CUL7: variants seen among roughly 807,000 people sequenced by gnomAD.
CUL7 encodes cullin-7.
CUL7 carries 96 observed loss-of-function variants against 177.7 expected under a neutral mutation model. That is an observed-to-expected ratio of 0.54 (90% CI 0.46 to 0.64). CUL7 has a LOEUF of 0.64. Among genes scored for constraint, CUL7 ranks in the 30% least tolerant of loss-of-function variants. The probability of loss-of-function intolerance (pLI) is 0.00; values close to 1 mark genes in which losing one functional copy is unlikely to be tolerated. For missense variants in CUL7, 1,893 were observed against 2,187.9 expected (o/e 0.87, Z 2.69); for synonymous variants, 824 against 890.2 (o/e 0.93, Z 1.32).
chr6:43,046,852 A>G (rs766621185), intron 10 of CUL7, 28 bp downstream of exon 10: 2 of 1,419,502 alleles, frequency 1.4e-6, no homozygotes, highest in South Asian at 2.3e-5. Context: ...ATGCCACTCT[A>G]AGCCCACAAG....
intron 19 of CUL7, among the ~76,000 whole-genome samples, chr6:43,042,341 T>TTTG (rs1770938346): frequency 6.6e-6 from 1 of 152,172 alleles, no homozygotes; most frequent in African/African-American, 2.4e-5. Flanking sequence ...TTTTTTGTTT[T>TTTG]TTTCTTTTTT....
chr6:43,041,252 C>A, intron 19 of CUL7, 177 bp from the exon 20 acceptor site: 1 of 640,024 alleles, frequency 1.6e-6, no homozygotes, highest in Non-Finnish European at 2.8e-6. Flanking sequence ...GCAATATTAA[C>A]AATTATGGAA....
At position 43,052,756 on chromosome 6, in the gene CUL7, C is replaced by G. The variant is rs1239734867; in HGVS notation, c.33G>C (p.Arg11Ser). MVGELRYREF[R>S]VPLGPGLHAY... is the part of the protein sequence containing the mutation. ...CATGTAAGCCGGGCCCCAGGGGCAC[C>G]CTGAATTCCCTGTAGCGGAGTTCTC... The change falls in exon 2 of 26, where the codon AGG becomes AGC. Residue 11 changes from arginine (R) to serine (S), a missense_variant. By Grantham distance (110) the Arg-to-Ser change is moderately radical. Coordinates refer to ENST00000265348, the MANE Select transcript of CUL7 (RefSeq NM_014780.5). This position sits in a 1 kb window ranked among gnomAD's most constrained non-coding sequence, Gnocchi z 4.5. 10 of 1,608,702 alleles carry G rather than the reference C, an allele frequency of 6.2e-6. 1 individual carries two copies. The South Asian group carries it at 1.1e-4, about 18-fold the overall frequency.
intron 19 of CUL7, 131 bp from the exon 20 acceptor site, chr6:43,041,206 A>G: frequency 2.5e-6 from 2 of 788,262 alleles, no homozygotes; most frequent in Admixed American, 2.0e-5. Context: ...CTTTCATACA[A>G]CTATTTTATA....
At chr6:43,041,195 G>C in intron 19 of CUL7, 120 bp from the exon 20 acceptor site, 1 of 875,036 alleles carries the variant, frequency 1.1e-6, no homozygotes, top group African/African-American at 1.7e-5. Flanking sequence ...GGTGGTTGGT[G>C]CTTTCATACA....
At position 43,038,914 on chromosome 6, in the gene CUL7, C is replaced by T; in HGVS notation, c.4368G>A (p.Leu1456=). The part of the protein sequence containing the change: ...LQWTWLGWAE[L]QFGNQTLHVS... ...CATGCAGGGTCTGGTTCCCAAACTG[C>T]AGCTCAGCCCAGCCCAGCCACGTCC... Residue 1456 remains leucine (L), a synonymous_variant, in exon 23 of 26, where the codon CTG becomes CTA. Transcript: ENST00000265348. 6.2e-7 allele frequency: 1 copy of T among 1,614,030 alleles called. No individual in the cohort carries two copies. The highest frequency in any genetic ancestry group is 8.5e-7 in the Non-Finnish European group (1 of 1,179,876).
chr6:43,044,749 T>C lies in CUL7; in HGVS notation c.3172+3A>G. The C allele has an allele frequency of 6.2e-7, 1 of 1,608,856 alleles. No individual in the cohort carries two copies. Among genetic ancestry groups the C allele is most frequent in the South Asian group, 1.1e-5 (1 of 90,898 alleles). On this transcript the variant is annotated splice_donor_region_variant and intron_variant, in intron 16 of 25. Transcript: ENST00000265348. ...TAATGGGTCCAGATGTCAGGATGGT[T>C]ACCAGGGGAGGTGATGTTCTGCACC...
At position 43,038,782 on chromosome 6, in the gene CUL7, G is replaced by C. The variant is rs746238848; in HGVS notation, c.4440+60C>G. The C allele has an allele frequency of 5.6e-6, 9 of 1,613,638 alleles. No individual in the cohort carries two copies. In the East Asian group the frequency reaches 2.0e-4, roughly 36 times the overall value. On this transcript the variant is annotated intron_variant, in intron 23 of 25. Coordinates refer to ENST00000265348, the MANE Select transcript of CUL7 (RefSeq NM_014780.5). Reference sequence around the variant, plus strand: ...AAGAAGCAGAGGGAGTCAAGGTTTTGGGAAGAGAGGCAAGGGACAAAGTGG... The same window carrying C: ...AAGAAGCAGAGGGAGTCAAGGTTTTCGGAAGAGAGGCAAGGGACAAAGTGG...
At position 43,051,830 on chromosome 6, in the gene CUL7, T is replaced by A; in HGVS notation, c.581-67A>T. The A allele has an allele frequency of 3.8e-6, 6 of 1,571,238 alleles. No individual in the cohort carries two copies. Among genetic ancestry groups the A allele is most frequent in the Non-Finnish European group, 5.3e-6 (6 of 1,141,884 alleles). On this transcript the variant is annotated intron_variant, in intron 2 of 25. Coordinates refer to ENST00000265348, the MANE Select transcript of CUL7 (RefSeq NM_014780.5). The surrounding 1 kb of genome is among the most constrained non-coding windows in gnomAD (Gnocchi z 5.0). Reference sequence around the variant, plus strand: ...CCCTTCCTAGAAATCTTAGACCCTCTACTCTTTCAATCCAATCCTTTTGCC... The same window carrying A: ...CCCTTCCTAGAAATCTTAGACCCTCAACTCTTTCAATCCAATCCTTTTGCC...
chr6:43,047,036 A>G lies in CUL7; in HGVS notation c.2241T>C (p.Asn747=), dbSNP rs1368064547. Residue 747 remains asparagine, a synonymous_variant, in exon 10 of 26, where the codon AAT becomes AAC. Transcript: ENST00000265348. ...AGATAGCGTCTCTTGCTCCCAGCTG[A>G]TTCAGCACCACGGCATAGTCCCTGC... ...SVSRDYAVVL[N]QLGARDAISK... is the part of the protein sequence containing the mutation. The G allele has an allele frequency of 6.2e-7, 1 of 1,613,544 alleles. No homozygotes were observed. Among genetic ancestry groups the G allele is most frequent in the South Asian group, 1.1e-5 (1 of 91,064 alleles).
intron 7 of CUL7, among the ~76,000 whole-genome samples, chr6:43,048,881 C>A (rs1172206186): frequency 6.6e-6 from 1 of 151,932 alleles, no homozygotes; most frequent in Non-Finnish European, 1.5e-5. Flanking sequence ...CATTCTCCTG[C>A]CTCAGCCTCC....
At position 43,053,677 on chromosome 6, in the gene CUL7, G is replaced by A. The variant is rs968949866; in HGVS notation, c.-64C>T. 5 of 1,409,490 alleles carry A rather than the reference G, an allele frequency of 3.5e-6. No individual in the cohort carries two copies. The African/African-American group carries it at 6.0e-5, about 17-fold the overall frequency. The allele number at this position is 1,409,490 out of a possible 1,614,324, so 87.3% of individuals were successfully genotyped here. A position where few individuals can be genotyped will look rare whatever the true frequency, so the allele number is the denominator to read the frequency against. ...GCCTGTCCTTCACAGAGCAAGGGAC[G>A]CGGCACAGACGCTGGCGGCGACTTG... On this transcript the variant is annotated 5_prime_UTR_variant, in exon 1 of 26. Coordinates refer to ENST00000265348, the MANE Select transcript of CUL7 (RefSeq NM_014780.5). The surrounding 1 kb of genome is among the most constrained non-coding windows in gnomAD (Gnocchi z 4.1).
Position 43,044,740 on chromosome 6 carries a change from C to T in CUL7, c.3172+12G>A, listed in dbSNP as rs1032848893. 1.4e-5 allele frequency: 23 copies of T among 1,606,960 alleles called. No individual in the cohort carries two copies. Among genetic ancestry groups the T allele is most frequent in the Non-Finnish European group, 2.0e-5 (23 of 1,174,362 alleles). On this transcript the variant is annotated intron_variant, in intron 16 of 25. Transcript: ENST00000265348. ...CTGAGATAGTAATGGGTCCAGATGT[C>T]AGGATGGTTACCAGGGGAGGTGATG...
In CUL7 at chr6:43,048,126, C is replaced by G. The variant is rs749141103; in HGVS notation, c.2169+22G>C. ...GCCTTTATCCTCTCCCCCAGCCTCT[C>G]CCCAGAGCAGGGCAGGGGTACCTCT... On this transcript the variant is annotated intron_variant, in intron 9 of 25. Transcript: ENST00000265348. 13 of 1,545,670 alleles carry G rather than the reference C, an allele frequency of 8.4e-6. No individual in the cohort carries two copies. In the East Asian group the frequency reaches 3.0e-4, roughly 35 times the overall value.
rs999597657 is a variant in CUL7 at position 43,050,755 on chromosome 6, G to A, written c.1233+213C>T. Among the ~76,000 whole-genome samples, 1 of 151,924 alleles carries A rather than the reference G, an allele frequency of 6.6e-6. No individual in the cohort carries two copies. Among genetic ancestry groups the A allele is most frequent in the African/African-American group, 2.4e-5 (1 of 41,342 alleles). Reference sequence around the variant, plus strand: ...TCTGGCTATATCAGTTTCTTCCCAGGTGTGAGTCTTCTTGACTTCACAGCC... The same window carrying A: ...TCTGGCTATATCAGTTTCTTCCCAGATGTGAGTCTTCTTGACTTCACAGCC... On this transcript the variant is annotated intron_variant, in intron 4 of 25. Transcript: ENST00000265348. This position sits in a 1 kb window ranked among gnomAD's most constrained non-coding sequence, Gnocchi z 4.1.
At position 43,040,772 on chromosome 6, in the gene CUL7, G is replaced by T. The variant is rs750136834; in HGVS notation, c.3807-26C>A. The stretch of plus-strand genomic sequence containing the variant: ...CTGCAGTGCATGCAGCCCGGGCCAA[G>T]CCTCAGTGTGGGCACCAGTGTGGCC... On this transcript the variant is annotated intron_variant, in intron 20 of 25. Transcript: ENST00000265348. This position sits in a 1 kb window ranked among gnomAD's most constrained non-coding sequence, Gnocchi z 4.2. 1.2e-6 allele frequency: 2 copies of T among 1,611,988 alleles called. No individual in the cohort carries two copies. The highest frequency in any genetic ancestry group is 2.2e-5 in the South Asian group (2 of 91,032).
In CUL7 at chr6:43,046,337, G is replaced by A; in HGVS notation, c.2559C>T (p.Ala853=). Residue 853 remains alanine, a synonymous_variant, in exon 12 of 26, where the codon GCC becomes GCT. Coordinates refer to ENST00000265348, the MANE Select transcript of CUL7 (RefSeq NM_014780.5). The part of the protein sequence containing the change: ...KVEVSSNPHR[A]SKLTDHNPKT... ...TGGGGTTGTGGTCCGTCAGCTTGCT[G>A]GCCCGGTGCGGGTTGGAGGACACCT... 6.2e-6 allele frequency: 10 copies of A among 1,614,220 alleles called. No homozygotes were observed. Among genetic ancestry groups the A allele is most frequent in the Non-Finnish European group, 8.5e-6 (10 of 1,180,046 alleles).
rs374845858 is a variant in CUL7, at chr6:43,051,219, C to T, written c.982G>A (p.Gly328Ser). 28 of 1,614,000 alleles carry T rather than the reference C, an allele frequency of 1.7e-5. No homozygotes were observed. The African/African-American group carries it at 2.7e-4, about 15-fold the overall frequency. ...GCCAGCTGAGGCTGGAAGATGGAAC[C>T]GGGGGACCGTGCTGAGCTCCTTGGT... Reference protein sequence around the residue: ...DRPRSSARSPGSIFQPQLADV... With the variant: ...DRPRSSARSPSSIFQPQLADV... Residue 328 changes from glycine to serine, a missense_variant, in exon 4 of 26, where the codon GGT becomes AGT. This residue lies in a region of CUL7 where 653 missense variants were observed against 725.2 expected (regional missense o/e 0.90). Coordinates refer to ENST00000265348, the MANE Select transcript of CUL7 (RefSeq NM_014780.5). The surrounding 1 kb of genome is among the most constrained non-coding windows in gnomAD (Gnocchi z 5.0).
rs763337817 is a variant in CUL7, at chr6:43,040,750, C to T, written c.3807-4G>A. ...GAGACGGTCCGCCATGTAGTGCCTG[C>T]AGTGCATGCAGCCCGGGCCAAGCCT... is the stretch of plus-strand genomic sequence containing the variant. On this transcript the variant is annotated splice_polypyrimidine_tract_variant and splice_region_variant and intron_variant, in intron 20 of 25. Coordinates refer to ENST00000265348, the MANE Select transcript of CUL7 (RefSeq NM_014780.5). This position sits in a 1 kb window ranked among gnomAD's most constrained non-coding sequence, Gnocchi z 4.2. 1.2e-6 allele frequency: 2 copies of T among 1,614,032 alleles called. No homozygotes were observed. Among genetic ancestry groups the T allele is most frequent in the South Asian group, 2.2e-5 (2 of 91,074 alleles).
Sources: gnomAD v4.1 joint callset for allele counts (sites outside exome capture counted in the v4.1 genomes callset) on GRCh38, gnomAD v4.1.1 for gene constraint, gnomAD v4.1.1 regional missense constraint, Gnocchi (gnomAD v3.1) non-coding constraint, MANE v1.5 for transcripts, NCBI Gene and HGNC (gene_info 2026-07-23, HGNC 2026-07-21) for gene names.